The following KRT74 variants were observed in gnomAD, a reference collection of about 807,000 sequenced individuals.
KRT74 encodes keratin 74, also known as keratin, type II cytoskeletal 74.
A neutral mutation model predicts 42.7 loss-of-function variants in KRT74; 43 were observed. The ratio of observed to expected loss-of-function variants is 1.01; its 90% CI spans 0.79 to 1.30. The LOEUF is 1.30. Ranked by LOEUF, KRT74 falls within the 50% of genes most tolerant of loss-of-function variation. The pLI is 0.00. For missense variants in KRT74, 736 were observed against 689.1 expected (o/e 1.07, Z -0.76); for synonymous variants, 302 against 279.0 (o/e 1.08, Z -0.82).
rs1437298787 is a variant in KRT74, at chr12:52,571,570, A to T, written c.748-116T>A. On this transcript the variant is annotated intron_variant, in intron 3 of 8. Coordinates refer to ENST00000305620, the MANE Select transcript of KRT74 (RefSeq NM_175053.4). Reference sequence around the variant, plus strand: ...ATTTTCTACCCACAAAGGAAAGCTCACTCAATATCAATTTCTTCTCAGGCT... The same window carrying T: ...ATTTTCTACCCACAAAGGAAAGCTCTCTCAATATCAATTTCTTCTCAGGCT... 5 of 769,368 alleles carry T rather than the reference A, an allele frequency of 6.5e-6. No individual in the cohort carries two copies. The African/African-American group carries it at 8.5e-5, about 13-fold the overall frequency. 47.7% of individuals were successfully genotyped at this position (769,368 alleles called of 1,614,324 possible).
In KRT74 at chr12:52,573,403, G is replaced by C. The variant is rs73320320; in HGVS notation, c.375C>G (p.Leu125=). 2 of 1,614,196 alleles carry C rather than the reference G, an allele frequency of 1.2e-6. No individual in the cohort carries two copies. The highest frequency in any genetic ancestry group is 1.7e-6 in the Non-Finnish European group (2 of 1,180,046). ...VTVNKSLLAP[L]NVELDPEIQK... Reference sequence around the variant, plus strand: ...GGATCTCAGGGTCCAGCTCCACGTTGAGGGGGGCCAAGAGGCTCTTGTTGA... The same window carrying C: ...GGATCTCAGGGTCCAGCTCCACGTTCAGGGGGGCCAAGAGGCTCTTGTTGA... Residue 125 remains leucine (L), a synonymous_variant, in exon 1 of 9, where the codon CTC becomes CTG. Transcript: ENST00000305620.
Position 52,566,953 on chromosome 12 carries a change from G to C in KRT74, c.*16C>G. 6.2e-7 allele frequency: 1 copy of C among 1,602,928 alleles called. No individual in the cohort carries two copies. Among genetic ancestry groups the C allele is most frequent in the Non-Finnish European group, 8.5e-7 (1 of 1,172,904 alleles). ...CACCTCTTCTTCCAAGTGCTGAGGTGGGTGAGGCCATGGGTCTAGCGGGTG... is the reference window on the plus strand; with the variant it reads ...CACCTCTTCTTCCAAGTGCTGAGGTCGGTGAGGCCATGGGTCTAGCGGGTG... On this transcript the variant is annotated 3_prime_UTR_variant, in exon 9 of 9. Coordinates refer to ENST00000305620, the MANE Select transcript of KRT74 (RefSeq NM_175053.4).
chr12:52,567,222 A>G, intron 8 of KRT74, 54 bp from the exon 9 acceptor site: 1 of 1,434,666 alleles, frequency 7.0e-7, no homozygotes, highest in South Asian at 1.4e-5. Flanking sequence ...TCAGCAGATA[A>G]CAGCTATGGT....
rs555227972 is a variant in KRT74 at position 52,569,887 on chromosome 12, C to T, written c.1106G>A (p.Arg369Gln). The T allele has an allele frequency of 2.0e-5, 33 of 1,614,172 alleles. No homozygotes were observed. The East Asian group carries it at 3.6e-4, about 17-fold the overall frequency. The change falls in exon 6 of 9, where the codon CGG (arginine) becomes CAG (glutamine). Residue 369 changes from arginine (R) to glutamine (Q), a missense_variant. Transcript: ENST00000305620. Reference protein sequence around the residue: ...VELNRLIQRIRCEIGNVKKQR... With the variant: ...VELNRLIQRIQCEIGNVKKQR... ...CTTCTTCACATTCCCGATCTCACAC[C>T]GGATCCTCTGGATGAGCCGGTTCAG...
chr12:52,573,621 G>A lies in KRT74; in HGVS notation c.157C>T (p.Leu53Phe). 1.2e-6 allele frequency: 2 copies of A among 1,614,170 alleles called. No individual in the cohort carries two copies. The highest frequency in any genetic ancestry group is 1.7e-6 in the Non-Finnish European group (2 of 1,180,032). Reference sequence around the variant, plus strand: ...AAAGAAATACGCCGATTCCCTCCAAGGCTATAGAGGCTCCGACTGCCAAAG... The same window carrying A: ...AAAGAAATACGCCGATTCCCTCCAAAGCTATAGAGGCTCCGACTGCCAAAG... ...AGFGSRSLYS[L>F]GGNRRISFNV... is the part of the protein sequence containing the mutation. The change falls in exon 1 of 9, where the codon CTT (leucine) becomes TTT (phenylalanine). Residue 53 changes from leucine (L) to phenylalanine (F), a missense_variant. Transcript: ENST00000305620.
At chr12:52,568,504 A>C (rs1939420368) in intron 6 of KRT74, 115 bp from the exon 7 acceptor site, 12 of 1,088,818 alleles carry the variant, frequency 1.1e-5, no homozygotes, top group South Asian at 1.4e-5. Flanking sequence ...CAAGGAGTAA[A>C]AGCTGCAAAG....
At position 52,571,477 on chromosome 12, in the gene KRT74, T is replaced by C. The variant is rs370254256; in HGVS notation, c.748-23A>G. 5.4e-4 allele frequency: 841 copies of C among 1,568,350 alleles called. 1 individual carries two copies. Among genetic ancestry groups the C allele is most frequent in the Admixed American group, 1.3e-3 (80 of 59,980 alleles). On this transcript the variant is annotated intron_variant, in intron 3 of 8. Coordinates refer to ENST00000305620, the MANE Select transcript of KRT74 (RefSeq NM_175053.4). ...ATCCTGCCAAGAGGCCCCAGAGTCA[T>C]TGGGGGATGCAACCCTCATCCCACA...
chr12:52,572,149 C>T (rs1257331860), intron 2 of KRT74, 145 bp from the exon 3 acceptor site: 1 of 746,448 alleles, frequency 1.3e-6, no homozygotes, highest in African/African-American at 1.7e-5. Flanking sequence ...GTAAGATATC[C>T]CTGAGTTGCT....
chr12:52,572,342 C>T, intron 2 of KRT74, 111 bp downstream of exon 2: 9 of 1,151,842 alleles, frequency 7.8e-6, no homozygotes, highest in Non-Finnish European at 1.0e-5. Context: ...GATGTGAGCT[C>T]CTGACCCTGG....
chr12:52,567,661 A>G lies in KRT74; in HGVS notation c.1388T>C (p.Ile463Thr), dbSNP rs749297407. The change falls in exon 8 of 9, where the codon ATC (isoleucine) becomes ACC (threonine). Residue 463 changes from isoleucine (I) to threonine (T), a missense_variant and splice_region_variant. Transcript: ENST00000305620. ...AGGCATCTCTCAAGAATACTCACAG[A>G]TGCTCACAGAGGATGGATTCTCACC... ...MSGENPSSVSISVISSSSYSY... is the reference protein window; with the variant it reads ...MSGENPSSVSTSVISSSSYSY... 4 of 1,611,440 alleles carry G rather than the reference A, an allele frequency of 2.5e-6. No homozygotes were observed. Among genetic ancestry groups the G allele is most frequent in the South Asian group, 1.1e-5 (1 of 91,002 alleles).
intron 2 of KRT74, 29 bp downstream of exon 2, chr12:52,572,424 T>C (rs186696148): frequency 6.2e-7 from 1 of 1,611,636 alleles, no homozygotes; most frequent in African/African-American, 1.3e-5. Context: ...GGAAACATGG[T>C]CTGTGACCCT....
chr12:52,571,235 G>C, intron 4 of KRT74, 124 bp downstream of exon 4: 1 of 736,560 alleles, frequency 1.4e-6, no homozygotes, highest in Non-Finnish European at 2.4e-6. Context: ...TCCTGGTGCA[G>C]GGTTTTGTAC....
chr12:52,569,475 C>T (rs1372825637), intron 6 of KRT74: 1 of 616,456 alleles, frequency 1.6e-6, no homozygotes, highest in South Asian at 1.9e-5. Flanking sequence ...GAGGGTCTGC[C>T]CTCAGAGGGG....
At chr12:52,568,100 G>A in intron 7 of KRT74, 69 bp downstream of exon 7, 1 of 1,549,842 alleles carries the variant, frequency 6.5e-7, no homozygotes, top group Non-Finnish European at 8.9e-7. Flanking sequence ...TTGTTCTCCA[G>A]GTGGCCCCTC....
At position 52,567,026 on chromosome 12, in the gene KRT74, C is replaced by T. The variant is rs550328388; in HGVS notation, c.1533G>A (p.Lys511=). 1.9e-6 allele frequency: 3 copies of T among 1,603,856 alleles called. No individual in the cohort carries two copies. Among genetic ancestry groups the T allele is most frequent in the South Asian group, 2.2e-5 (2 of 89,696 alleles). The change falls in exon 9 of 9, where the codon AAG becomes AAA. Residue 511 remains lysine, a synonymous_variant. Coordinates refer to ENST00000305620, the MANE Select transcript of KRT74 (RefSeq NM_175053.4). Reference sequence around the variant, plus strand: ...CTGGGGTGCTCTTGCCCTGGGTGTCCTTGAGGTCTCCCCCTCGCGCCTCTG... The same window carrying T: ...CTGGGGTGCTCTTGCCCTGGGTGTCTTTGAGGTCTCCCCCTCGCGCCTCTG... ...KTTEARGGDL[K]DTQGKSTPAS...
chr12:52,571,334 G>T (rs1231850474), intron 4 of KRT74, 25 bp downstream of exon 4: 2 of 1,381,478 alleles, frequency 1.4e-6, no homozygotes, highest in Non-Finnish European at 2.1e-6. Context: ...GCAGGGTGAG[G>T]GTGGGGGGAC....
intron 6 of KRT74, 21 bp from the exon 7 acceptor site, chr12:52,568,410 A>G (rs770851820): frequency 4.3e-5 from 69 of 1,612,622 alleles, no homozygotes; most frequent in Non-Finnish European, 5.4e-5. Context: ...AAGAACAGAG[A>G]GACCATCAGA....
intron 3 of KRT74, 66 bp from the exon 4 acceptor site, chr12:52,571,520 CT>C: frequency 8.5e-7 from 1 of 1,181,422 alleles, no homozygotes; most frequent in Non-Finnish European, 1.3e-6. Flanking sequence ...TGCCCAACTC[CT>C]GCCTCAAAGC....
intron 1 of KRT74, among the ~76,000 whole-genome samples, 166 bp downstream of exon 1, chr12:52,573,141 T>A (rs1316828137): frequency 6.6e-6 from 1 of 152,204 alleles, no homozygotes; most frequent in Non-Finnish European, 1.5e-5. Context: ...CATGTATTCC[T>A]TTGTCCTCCG....
Sources: gnomAD v4.1 joint callset for allele counts (sites outside exome capture counted in the v4.1 genomes callset) on GRCh38, gnomAD v4.1.1 for gene constraint, MANE v1.5 for transcripts, NCBI Gene and HGNC (gene_info 2026-07-23, HGNC 2026-07-21) for gene names.